FRMD4A: variants seen among roughly 807,000 people sequenced by gnomAD.
FRMD4A encodes FERM domain-containing protein 4A.
A neutral mutation model predicts 129.1 loss-of-function variants in FRMD4A; 29 were observed. The ratio of observed to expected loss-of-function variants is 0.22; its 90% confidence interval spans 0.17 to 0.31. The LOEUF (loss-of-function observed/expected upper bound fraction) is 0.31, where lower values mean the gene tolerates loss of function less well. FRMD4A is among the 10% of genes least tolerant of loss of function. The pLI, the probability that FRMD4A is intolerant of heterozygous loss-of-function variation, is 1.00. For synonymous variants in FRMD4A, 634 were observed against 571.6 expected (o/e 1.11, Z -1.56); for missense variants, 1,272 against 1,375.8 (o/e 0.92, Z 1.19).
intron 13 of FRMD4A, among the ~76,000 whole-genome samples, chr10:13,704,603 C>G (rs897989667): frequency 6.6e-6 from 1 of 152,170 alleles, no homozygotes; most frequent in Non-Finnish European, 1.5e-5. Context: ...CTCTGGTGAC[C>G]CTGTCCTTCA....
At chr10:14,046,929 A>G (rs999287234) in intron 2 of FRMD4A, among the ~76,000 whole-genome samples, 2 of 152,172 alleles carry the variant, frequency 1.3e-5, no homozygotes, top group Non-Finnish European at 2.9e-5. Flanking sequence ...GTCGCTGGAC[A>G]TCATCTGGAC....
Position 13,689,549 on chromosome 10 carries a change from CTTTT to C in FRMD4A, c.1117+4345_1117+4348del, listed in dbSNP as rs34800095. ...CTCTAGGAACATAGATTAGAAGATTCTTTTTTTTTTTTTTTTTTAAGAGACAGGG... is the reference window on the plus strand; with the variant it reads ...CTCTAGGAACATAGATTAGAAGATTCTTTTTTTTTTTTTTAAGAGACAGGG... On this transcript the variant is annotated intron_variant, in intron 15 of 24. Coordinates refer to ENST00000357447, the MANE Select transcript of FRMD4A (RefSeq NM_018027.5). Among the ~76,000 whole-genome samples, 218 of 128,634 alleles carry C rather than the reference CTTTT, an allele frequency of 1.7e-3. 2 individuals are homozygous for C. Among genetic ancestry groups the C allele is most frequent in the African/African-American group, 5.6e-3 (183 of 32,794 alleles). 84.4% of individuals were successfully genotyped at this position (128,634 alleles called of 152,430 possible).
Position 14,174,868 on chromosome 10 carries a change from T to A in FRMD4A, c.45+155190A>T, listed in dbSNP as rs927227478. The stretch of plus-strand genomic sequence containing the variant: ...AATAGTTGAGTATTAAAAAAAAAAG[T>A]GTGTGTGTGTCTGTGTGTGTGTGTG... On this transcript the variant is annotated intron_variant, in intron 2 of 24. Transcript: ENST00000357447. 8.8e-4 allele frequency among the ~76,000 whole-genome samples: 32 copies of A among 36,240 alleles called. 1 individual carries two copies. The highest frequency in any genetic ancestry group is 1.6e-3 in the African/African-American group (31 of 19,464). The allele number at this position is 36,240 out of a possible 152,430, so 23.8% of individuals were successfully genotyped here. A position where few individuals can be genotyped will look rare whatever the true frequency, so the allele number is the denominator to read the frequency against.
chr10:14,318,837 T>TTG (rs1441204757), intron 2 of FRMD4A, among the ~76,000 whole-genome samples: 3 of 152,208 alleles, frequency 2.0e-5, no homozygotes, highest in Non-Finnish European at 4.4e-5. Context: ...AGGCAGTCTA[T>TTG]ATCCTCTCAC....
intron 2 of FRMD4A, among the ~76,000 whole-genome samples, chr10:14,177,222 A>T (rs1225339038): frequency 2.6e-5 from 4 of 151,752 alleles, no homozygotes; most frequent in African/African-American, 7.3e-5. Context: ...TTTTGAGACA[A>T]AGTATCGCTC....
At chr10:14,232,033 G>T (rs1471702156) in intron 2 of FRMD4A, among the ~76,000 whole-genome samples, 1 of 152,038 alleles carries the variant, frequency 6.6e-6, no homozygotes, top group Non-Finnish European at 1.5e-5. Flanking sequence ...GTACTTCCTG[G>T]GTTTTCTTCT....
chr10:13,748,031 G>C (rs755305249), intron 8 of FRMD4A, among the ~76,000 whole-genome samples: 2 of 152,168 alleles, frequency 1.3e-5, no homozygotes, highest in African/African-American at 2.4e-5. Flanking sequence ...GCCTTTCACC[G>C]TGCAGAAAGC....
intron 2 of FRMD4A, among the ~76,000 whole-genome samples, chr10:13,914,689 G>A (rs1299333362): frequency 2.0e-5 from 3 of 152,046 alleles, no homozygotes; most frequent in African/African-American, 7.3e-5. Flanking sequence ...CGTGTAGGAG[G>A]AGAAAAGCAG....
At chr10:13,804,072 G>A (rs2093313908) in intron 4 of FRMD4A, among the ~76,000 whole-genome samples, 1 of 152,162 alleles carries the variant, frequency 6.6e-6, no homozygotes, top group Admixed American at 6.5e-5. Context: ...TAAATATAAG[G>A]TACTGTTGTA....
In FRMD4A at chr10:13,674,989, C is replaced by T. The variant is rs1375206836; in HGVS notation, c.1173G>A (p.Leu391=). ...CCTCCAGAGCTTCCTGCCTGGACTT[C>T]AAGGCAGCCAGCATGTCCTTCTTGG... The part of the protein sequence containing the change: ...QSAKKDMLAA[L]KSRQEALEET... The change falls in exon 16 of 25, where the codon TTG becomes TTA. Residue 391 remains leucine (L), a synonymous_variant. Transcript: ENST00000357447. The T allele has an allele frequency of 6.2e-7, 1 of 1,613,908 alleles. No individual in the cohort carries two copies. Among genetic ancestry groups the T allele is most frequent in the Non-Finnish European group, 8.5e-7 (1 of 1,179,946 alleles).
rs57602565 is a variant in FRMD4A, at chr10:13,789,769, A to ATGTGTGTGTGTGTGTG, written c.299+6711_299+6726dup. On this transcript the variant is annotated intron_variant, in intron 5 of 24. Transcript: ENST00000357447. ...TATTGACCGCTGCTGGCTGCTTATA[A>ATGTGTGTGTGTGTGTG]TGTGTGTGTGTGTGTGTGTGTGTGT... 8.5e-3 allele frequency among the ~76,000 whole-genome samples: 1,104 copies of ATGTGTGTGTGTGTGTG among 130,138 alleles called. 19 individuals are homozygous for ATGTGTGTGTGTGTGTG. The highest frequency in any genetic ancestry group is 0.017 in the African/African-American group (559 of 32,900). The allele number at this position is 130,138 out of a possible 152,430, so 85.4% of individuals were successfully genotyped here.
intron 15 of FRMD4A, among the ~76,000 whole-genome samples, chr10:13,679,456 A>ATATAT (rs1564590925): frequency 3.1e-5 from 1 of 31,888 alleles, no homozygotes; most frequent in African/African-American, 1.4e-4. Flanking sequence ...AAAAAAAAAA[A>ATATAT]AAAAATATAT....
chr10:14,012,818 T>C (rs1215533400), intron 2 of FRMD4A, among the ~76,000 whole-genome samples: 1 of 152,154 alleles, frequency 6.6e-6, no homozygotes, highest in East Asian at 1.9e-4. Context: ...CTAGTGAGGC[T>C]GGCCTGTCTG....
At chr10:14,124,343 A>C (rs558186332) in intron 2 of FRMD4A, among the ~76,000 whole-genome samples, 18 of 152,172 alleles carry the variant, frequency 1.2e-4, no homozygotes, top group Admixed American at 2.6e-4. Context: ...GATACCTGCT[A>C]TTACCCCCAT....
intron 14 of FRMD4A, among the ~76,000 whole-genome samples, chr10:13,697,444 G>T (rs923380596): frequency 6.6e-6 from 1 of 152,116 alleles, no homozygotes; most frequent in East Asian, 1.9e-4. Context: ...CACTGCGCCC[G>T]GTCCGGATTC....
chr10:13,651,650 G>A (rs11599119), intron 24 of FRMD4A: 150,812 of 446,324 alleles, frequency 0.34, 30,249 homozygotes, highest in East Asian at 0.74. Flanking sequence ...TCCAGCCTGG[G>A]CAACAGAACA....
chr10:14,285,354 G>A (rs540948867), intron 2 of FRMD4A, among the ~76,000 whole-genome samples: 71 of 152,336 alleles, frequency 4.7e-4, no homozygotes, highest in African/African-American at 1.7e-3. Context: ...TCATAGGCAA[G>A]AGAAAAGATG....
chr10:14,282,033 C>T (rs912988033), intron 2 of FRMD4A, among the ~76,000 whole-genome samples: 9 of 152,098 alleles, frequency 5.9e-5, no homozygotes, highest in Admixed American at 5.2e-4. Flanking sequence ...GTAAAAAGCA[C>T]GTCTTACATG....
At chr10:13,968,871 T>A (rs1380760843) in intron 2 of FRMD4A, among the ~76,000 whole-genome samples, 2 of 152,242 alleles carry the variant, frequency 1.3e-5, no homozygotes, top group Admixed American at 1.3e-4. Flanking sequence ...GAAGTTTTTC[T>A]TGAGCAAAGG....
Sources: gnomAD v4.1 joint callset for allele counts (sites outside exome capture counted in the v4.1 genomes callset) on GRCh38, gnomAD v4.1.1 for gene constraint, MANE v1.5 for transcripts, NCBI Gene and HGNC (gene_info 2026-07-23, HGNC 2026-07-21) for gene names.